Variants in CLIP4 observed in about 807,000 individuals in gnomAD.
CLIP4 encodes CAP-Gly domain containing linker protein family member 4.
A neutral mutation model predicts 73.1 loss-of-function variants in CLIP4; 47 were observed. That is an observed-to-expected ratio of 0.64 (90% CI 0.51 to 0.82). The LOEUF (loss-of-function observed/expected upper bound fraction) is 0.82. CLIP4 is among the 40% of genes least tolerant of loss of function. The pLI is 0.00. For synonymous variants in CLIP4, 306 were observed against 295.4 expected (o/e 1.04, Z -0.37); for missense variants, 874 against 852.9 (o/e 1.02, Z -0.31).
At chr2:29,157,785 C>T (rs1667025730) in intron 11 of CLIP4, among the ~76,000 whole-genome samples, 1 of 152,222 alleles carries the variant, frequency 6.6e-6, no homozygotes, top group Non-Finnish European at 1.5e-5. Context: ...TAATCTCACT[C>T]AGTCCACATT....
chr2:29,099,919 A>C (rs554510798), intron 1 of CLIP4, among the ~76,000 whole-genome samples: 1 of 152,328 alleles, frequency 6.6e-6, no homozygotes, highest in Non-Finnish European at 1.5e-5. Context: ...AGATTTATAC[A>C]TAACTCTTTC....
intron 6 of CLIP4, among the ~76,000 whole-genome samples, 193 bp downstream of exon 6, chr2:29,135,859 T>C (rs1665315938): frequency 6.6e-6 from 1 of 152,160 alleles, no homozygotes; most frequent in African/African-American, 2.4e-5. Context: ...TAAATTTCCT[T>C]TTATATTGAT....
intron 1 of CLIP4, among the ~76,000 whole-genome samples, chr2:29,108,665 A>G (rs537758133): frequency 6.6e-6 from 1 of 152,134 alleles, no homozygotes; most frequent in Non-Finnish European, 1.5e-5. Flanking sequence ...TCCACCACAC[A>G]CTTATTTTTA....
chr2:29,109,931 A>G (rs1668340715), intron 1 of CLIP4, among the ~76,000 whole-genome samples: 1 of 152,090 alleles, frequency 6.6e-6, no homozygotes, highest in South Asian at 2.1e-4. Context: ...GGTGGTGTGC[A>G]TCAGTAATCC....
intron 12 of CLIP4, among the ~76,000 whole-genome samples, chr2:29,162,619 A>T (rs1371658332): frequency 6.6e-6 from 1 of 152,254 alleles, no homozygotes; most frequent in African/African-American, 2.4e-5. Context: ...ATAGGAAAGC[A>T]TAAAAGGCAG....
chr2:29,156,451 A>G lies in CLIP4; in HGVS notation c.1255+8A>G. 6.6e-7 allele frequency: 1 copy of G among 1,526,090 alleles called. No individual in the cohort carries two copies. Among genetic ancestry groups the G allele is most frequent in the Non-Finnish European group, 8.8e-7 (1 of 1,134,794 alleles). The allele number at this position is 1,526,090 out of a possible 1,614,324, so 94.5% of individuals were successfully genotyped here. ...CTGTGACAGAGAAAGATGGTAATAT[A>G]CCTTGTAACCTCTGTTTCTCAAAAT... On this transcript the variant is annotated splice_region_variant and intron_variant, in intron 10 of 15. Coordinates refer to ENST00000320081, the MANE Select transcript of CLIP4 (RefSeq NM_024692.6).
intron 14 of CLIP4, among the ~76,000 whole-genome samples, chr2:29,173,850 A>G (rs908966240): frequency 6.6e-6 from 1 of 152,198 alleles, no homozygotes; most frequent in Non-Finnish European, 1.5e-5. Context: ...TGTTTTATAA[A>G]TGATTGTATC....
At chr2:29,168,686 C>T (rs1223369892) in intron 14 of CLIP4, among the ~76,000 whole-genome samples, 4 of 151,704 alleles carry the variant, frequency 2.6e-5, no homozygotes, top group African/African-American at 9.7e-5. Flanking sequence ...CCACGCCCGG[C>T]TAATTTTTTG....
intron 1 of CLIP4, among the ~76,000 whole-genome samples, chr2:29,101,653 A>T (rs1668053625): frequency 6.6e-6 from 1 of 152,186 alleles, no homozygotes; most frequent in African/African-American, 2.4e-5. Flanking sequence ...ACCCAGGAGC[A>T]ATACTTTGCA....
At chr2:29,109,106 A>T (rs1029777661) in intron 1 of CLIP4, among the ~76,000 whole-genome samples, 1 of 152,226 alleles carries the variant, frequency 6.6e-6, no homozygotes, top group Non-Finnish European at 1.5e-5. Flanking sequence ...CTATAAAATA[A>T]TAGTTATTTC....
intron 2 of CLIP4, among the ~76,000 whole-genome samples, chr2:29,129,688 T>C (rs1310778649): frequency 5.3e-5 from 8 of 152,092 alleles, no homozygotes; most frequent in African/African-American, 9.7e-5. Context: ...TTTTGAGTCA[T>C]TTTGTGTTCA....
At chr2:29,175,977 G>A (rs776397905) in intron 15 of CLIP4, among the ~76,000 whole-genome samples, 9 of 152,170 alleles carry the variant, frequency 5.9e-5, no homozygotes, top group Non-Finnish European at 1.2e-4. Flanking sequence ...TAGCCAGGAT[G>A]GTCTCGATCT....
At chr2:29,110,277 C>A (rs544598248) in intron 1 of CLIP4, among the ~76,000 whole-genome samples, 1 of 152,304 alleles carries the variant, frequency 6.6e-6, no homozygotes, top group East Asian at 1.9e-4. Context: ...CAGTCCCCAC[C>A]TGCAACCTTG....
At position 29,160,431 on chromosome 2, in the gene CLIP4, A is replaced by G. The variant is rs750057822; in HGVS notation, c.1498A>G (p.Thr500Ala). The stretch of plus-strand genomic sequence containing the variant: ...GTTAGTGGTAGGACAGAGACTGGGC[A>G]CCATTAGGTTCTTTGGGACAACAAA... ...RVLVVGQRLGTIRFFGTTNFA... is the reference protein window; with the variant it reads ...RVLVVGQRLGAIRFFGTTNFA... Residue 500 changes from threonine to alanine, a missense_variant, in exon 12 of 16, where the codon ACC (threonine) becomes GCC (alanine). Thr to Ala is a moderately conservative substitution (Grantham distance 58, BLOSUM62 0). Coordinates refer to ENST00000320081, the MANE Select transcript of CLIP4 (RefSeq NM_024692.6). 5.6e-6 allele frequency: 9 copies of G among 1,614,202 alleles called. No homozygotes were observed. The East Asian group carries it at 1.8e-4, about 32-fold the overall frequency.
chr2:29,099,456 A>C (rs188395192), intron 1 of CLIP4, among the ~76,000 whole-genome samples: 384 of 152,346 alleles, frequency 2.5e-3, no homozygotes, highest in African/African-American at 8.4e-3. Flanking sequence ...TTTATTTAAA[A>C]GACTATCCTT....
At chr2:29,111,517 T>C (rs567218092), upstream of CLIP4, among the ~76,000 whole-genome samples, 3 of 152,376 alleles carry the variant, frequency 2.0e-5, no homozygotes, top group African/African-American at 7.2e-5. Flanking sequence ...CCACTCTGAT[T>C]ACAAGTGGGG....
At chr2:29,155,536 T>G (rs1021359620) in intron 9 of CLIP4, among the ~76,000 whole-genome samples, 1 of 152,232 alleles carries the variant, frequency 6.6e-6, no homozygotes, top group Non-Finnish European at 1.5e-5. Flanking sequence ...ACATTACCTT[T>G]GGAGGAAACC....
intron 13 of CLIP4, among the ~76,000 whole-genome samples, chr2:29,167,196 C>T (rs922657814): frequency 6.6e-6 from 1 of 152,148 alleles, no homozygotes; most frequent in South Asian, 2.1e-4. Context: ...TTTAGTTTCA[C>T]CTTTGAAGAT....
chr2:29,137,459 A>G (rs1665449503), intron 6 of CLIP4, among the ~76,000 whole-genome samples: 1 of 152,268 alleles, frequency 6.6e-6, no homozygotes, highest in African/African-American at 2.4e-5. Context: ...TGGCTTTGCT[A>G]TTATGAATCG....
Sources: allele counts gnomAD v4.1 joint callset (sites outside exome capture counted in the v4.1 genomes callset), GRCh38; gene constraint gnomAD v4.1.1; transcripts MANE v1.5; gene names NCBI Gene and HGNC (gene_info 2026-07-23, HGNC 2026-07-21).